Variants in VPS13B observed in about 807,000 individuals in gnomAD.
The protein encoded by VPS13B is vacuolar protein sorting 13 homolog B.
VPS13B carries 285 observed loss-of-function variants against 426.4 expected under a neutral mutation model. The observed-to-expected ratio is 0.67, with a 90% CI of 0.61 to 0.74. The LOEUF (loss-of-function observed/expected upper bound fraction) is 0.74. Ranked by LOEUF, VPS13B falls within the 30% of genes least tolerant of loss-of-function variation. The pLI is 0.00. For synonymous variants in VPS13B, 1,676 were observed against 1,676.4 expected (o/e 1.00, Z 0.01); for missense variants, 4,537 against 4,782.6 (o/e 0.95, Z 1.51).
intron 43 of VPS13B, among the ~76,000 whole-genome samples, chr8:99,785,347 G>T (rs1336561764): frequency 6.6e-6 from 1 of 152,108 alleles, no homozygotes; most frequent in African/African-American, 2.4e-5. Flanking sequence ...ACCAGCATCA[G>T]AATACATTAT....
chr8:99,180,012 C>G (rs1482888213), intron 16 of VPS13B, among the ~76,000 whole-genome samples: 4 of 152,018 alleles, frequency 2.6e-5, no homozygotes, highest in African/African-American at 9.7e-5. Context: ...TCAGAGTTCT[C>G]AAGGTAATAT....
At chr8:99,654,053 A>T (rs150684008) in intron 34 of VPS13B, among the ~76,000 whole-genome samples, 1 of 150,802 alleles carries the variant, frequency 6.6e-6, no homozygotes, top group East Asian at 2.0e-4. Context: ...TATTATTATT[A>T]TATATATTTT....
chr8:99,028,429 C>A (rs1272998760), intron 2 of VPS13B, among the ~76,000 whole-genome samples: 1 of 144,548 alleles, frequency 6.9e-6, no homozygotes, highest in African/African-American at 2.6e-5. Flanking sequence ...GGGCGGCTGG[C>A]GGGGCAGAGG....
At chr8:99,608,032 C>T (rs927973825) in intron 33 of VPS13B, among the ~76,000 whole-genome samples, 1 of 152,014 alleles carries the variant, frequency 6.6e-6, no homozygotes, top group Non-Finnish European at 1.5e-5. Context: ...GAAAATACAA[C>T]CTTACATAGA....
chr8:99,372,010 G>C (rs1223949496), intron 19 of VPS13B, among the ~76,000 whole-genome samples: 2 of 152,118 alleles, frequency 1.3e-5, no homozygotes, highest in South Asian at 2.1e-4. Flanking sequence ...CCAGCACTTT[G>C]GGAGGCCGAG....
At chr8:99,624,445 G>T (rs937018931) in intron 33 of VPS13B, among the ~76,000 whole-genome samples, 7 of 152,088 alleles carry the variant, frequency 4.6e-5, no homozygotes, top group Non-Finnish European at 5.9e-5. Flanking sequence ...TGGAAGAGGT[G>T]AATAATGGTT....
chr8:99,283,307 C>T (rs1341625353), intron 19 of VPS13B, among the ~76,000 whole-genome samples: 1 of 152,192 alleles, frequency 6.6e-6, no homozygotes, highest in African/African-American at 2.4e-5. Context: ...TTATACCCAT[C>T]TATCTTATTA....
chr8:99,073,775 T>C (rs1844964999), intron 3 of VPS13B, among the ~76,000 whole-genome samples: 1 of 150,382 alleles, frequency 6.6e-6, no homozygotes, highest in Non-Finnish European at 1.5e-5. Context: ...TCTTTCTTTC[T>C]TCTTTTTTTT....
At chr8:99,866,008 A>G (rs1817079320) in intron 58 of VPS13B, among the ~76,000 whole-genome samples, 1 of 152,166 alleles carries the variant, frequency 6.6e-6, no homozygotes, top group African/African-American at 2.4e-5. Flanking sequence ...ACAACAGGCA[A>G]TAGCTCCTGT....
At chr8:99,462,353 T>G (rs1818887275) in intron 23 of VPS13B, among the ~76,000 whole-genome samples, 1 of 152,154 alleles carries the variant, frequency 6.6e-6, no homozygotes, top group African/African-American at 2.4e-5. Context: ...AACTTTTTTT[T>G]TATTCTTGAC....
chr8:99,340,568 TC>T, intron 19 of VPS13B: 1 of 463,506 alleles, frequency 2.2e-6, no homozygotes, highest in South Asian at 1.7e-5. Context: ...GTGGTAATTA[TC>T]AGGCACAAGC....
At chr8:99,305,115 C>T (rs886236837) in intron 19 of VPS13B, among the ~76,000 whole-genome samples, 2 of 152,028 alleles carry the variant, frequency 1.3e-5, no homozygotes, top group African/African-American at 4.8e-5. Context: ...CAATCATTAC[C>T]TCATTGAAAA....
At chr8:99,513,564 T>G (rs1821906080) in intron 29 of VPS13B, among the ~76,000 whole-genome samples, 3 of 152,182 alleles carry the variant, frequency 2.0e-5, no homozygotes, top group Non-Finnish European at 4.4e-5. Context: ...ATTCTCAAAT[T>G]TTATGATGTA....
chr8:99,310,218 T>C (rs1376763680), intron 19 of VPS13B, among the ~76,000 whole-genome samples: 2 of 152,160 alleles, frequency 1.3e-5, no homozygotes, highest in African/African-American at 4.8e-5. Context: ...TCCAACACTA[T>C]GTTGAATAGG....
chr8:99,366,884 A>C (rs1812921100), intron 19 of VPS13B, among the ~76,000 whole-genome samples: 1 of 152,162 alleles, frequency 6.6e-6, no homozygotes, highest in African/African-American at 2.4e-5. Context: ...AAACTAACAA[A>C]AACTCTACAC....
intron 20 of VPS13B, among the ~76,000 whole-genome samples, chr8:99,386,757 GC>G (rs1350950931): frequency 6.6e-6 from 1 of 152,100 alleles, no homozygotes; most frequent in Non-Finnish European, 1.5e-5. Flanking sequence ...AATTGCTTGA[GC>G]CCAGGAGTTC....
At chr8:99,335,282 AT>A (rs1279622173) in intron 19 of VPS13B, among the ~76,000 whole-genome samples, 1 of 151,806 alleles carries the variant, frequency 6.6e-6, no homozygotes, top group Non-Finnish European at 1.5e-5. Context: ...CAGTCTATCG[AT>A]TTTGTTGATC....
At chr8:99,111,606 C>T (rs1032446016) in intron 6 of VPS13B, among the ~76,000 whole-genome samples, 2 of 151,882 alleles carry the variant, frequency 1.3e-5, no homozygotes, top group African/African-American at 4.8e-5. Context: ...GACTGCATAT[C>T]AGTATTCTGT....
chr8:99,283,148 A>C (rs1819255924), intron 19 of VPS13B, among the ~76,000 whole-genome samples: 2 of 152,142 alleles, frequency 1.3e-5, no homozygotes, highest in South Asian at 2.1e-4. Context: ...TTTTGGTTTC[A>C]AAAAATTCTG....
Sources: allele counts gnomAD v4.1 joint callset (sites outside exome capture counted in the v4.1 genomes callset), GRCh38; gene constraint gnomAD v4.1.1; transcripts MANE v1.5; gene names NCBI Gene and HGNC (gene_info 2026-07-23, HGNC 2026-07-21).